RAD51B: variants seen among roughly 807,000 people sequenced by gnomAD.
The protein encoded by RAD51B is DNA repair protein RAD51 homolog 2.
A neutral mutation model predicts 42.2 loss-of-function variants in RAD51B; 38 were observed. That is an observed-to-expected ratio of 0.90 (90% CI 0.70 to 1.18). The LOEUF is 1.18. Ranked by LOEUF, RAD51B falls within the 50% of genes most tolerant of loss-of-function variation. The probability of loss-of-function intolerance (pLI) is 0.00; values close to 1 mark genes in which losing one functional copy is unlikely to be tolerated. For synonymous variants in RAD51B, 154 were observed against 145.2 expected (o/e 1.06, Z -0.43); for missense variants, 373 against 400.7 (o/e 0.93, Z 0.59).
chr14:67,845,866 T>G (rs1460412349), intron 4 of RAD51B, among the ~76,000 whole-genome samples: 1 of 152,096 alleles, frequency 6.6e-6, no homozygotes. Flanking sequence ...TTTCCTTCAT[T>G]TTGACTTTGA....
chr14:68,293,103 G>T (rs17105341), intron 8 of RAD51B, among the ~76,000 whole-genome samples: 2,745 of 152,240 alleles, frequency 0.018, 68 homozygotes, highest in African/African-American at 0.062. Context: ...ATAACATCCA[G>T]ATTGGCCTTC....
intron 10 of RAD51B, among the ~76,000 whole-genome samples, chr14:68,592,043 A>C (rs1595006959): frequency 6.6e-6 from 1 of 151,660 alleles, no homozygotes; most frequent in Non-Finnish European, 1.5e-5. Flanking sequence ...TGATAGTCCT[A>C]CTCCCTGAAG....
intron 7 of RAD51B, among the ~76,000 whole-genome samples, chr14:68,079,680 TA>T (rs1396653443): frequency 1.6e-4 from 24 of 152,232 alleles, no homozygotes; most frequent in Admixed American, 1.6e-3. Flanking sequence ...TAAAGTATAT[TA>T]AAAACATTAA....
intron 7 of RAD51B, among the ~76,000 whole-genome samples, chr14:68,128,052 C>T (rs529290582): frequency 1.3e-5 from 2 of 152,252 alleles, no homozygotes; most frequent in South Asian, 2.1e-4. Context: ...CATAAAAATT[C>T]GTTAGCTTTA....
chr14:68,641,388 A>G (rs748321911), intron 10 of RAD51B, among the ~76,000 whole-genome samples: 6 of 152,158 alleles, frequency 3.9e-5, no homozygotes, highest in Non-Finnish European at 7.4e-5. Flanking sequence ...ATGGATGTTC[A>G]TGTCATTTAC....
In RAD51B at chr14:68,535,754, A is replaced by C. The variant is rs1344797474; in HGVS notation, c.1037-58731A>C. ...AAAATGAGTATGTGTAACTGGATGGAGGAAGCCTGGGATAGTACCACTATT... is the reference window on the plus strand; with the variant it reads ...AAAATGAGTATGTGTAACTGGATGGCGGAAGCCTGGGATAGTACCACTATT... On this transcript the variant is annotated intron_variant, in intron 10 of 10. Coordinates refer to the RAD51B transcript ENST00000487270. Among the ~76,000 whole-genome samples the C allele has an allele frequency of 4.6e-5, 7 of 152,336 alleles. No individual in the cohort carries two copies. The East Asian group carries it at 1.3e-3, about 29-fold the overall frequency.
intron 7 of RAD51B, among the ~76,000 whole-genome samples, chr14:67,943,465 A>T (rs560232596): frequency 6.6e-6 from 1 of 152,268 alleles, no homozygotes; most frequent in Non-Finnish European, 1.5e-5. Context: ...GTGGGATAAA[A>T]AATACGATAG....
At chr14:68,598,985 G>A (rs1289474452), downstream of RAD51B, among the ~76,000 whole-genome samples, 1 of 152,172 alleles carries the variant, frequency 6.6e-6, no homozygotes, top group Non-Finnish European at 1.5e-5. Flanking sequence ...ATCCCCAGCA[G>A]GGCAGAGGAA....
intron 7 of RAD51B, among the ~76,000 whole-genome samples, chr14:68,023,290 C>T (rs2075898951): frequency 6.6e-6 from 1 of 152,138 alleles, no homozygotes; most frequent in Admixed American, 6.5e-5. Context: ...TATAAACATT[C>T]CCTTTTCTCC....
intron 7 of RAD51B, among the ~76,000 whole-genome samples, chr14:67,918,861 T>G (rs912970943): frequency 6.6e-6 from 1 of 152,220 alleles, no homozygotes; most frequent in Non-Finnish European, 1.5e-5. Context: ...AGATATTTTT[T>G]TAGCATGCAA....
chr14:68,023,770 A>G (rs896437909), intron 7 of RAD51B, among the ~76,000 whole-genome samples: 2 of 152,074 alleles, frequency 1.3e-5, no homozygotes, highest in African/African-American at 4.8e-5. Context: ...GAGTTTGTGA[A>G]TACTCTCTCC....
intron 8 of RAD51B, among the ~76,000 whole-genome samples, chr14:68,308,015 TC>T (rs944710290): frequency 3.5e-4 from 54 of 152,180 alleles, no homozygotes; most frequent in African/African-American, 1.2e-3. Flanking sequence ...GATTTTTTTT[TC>T]GTCCTTATTA....
intron 7 of RAD51B, among the ~76,000 whole-genome samples, chr14:68,257,047 G>A (rs531633875): frequency 6.6e-6 from 1 of 152,288 alleles, no homozygotes; most frequent in Non-Finnish European, 1.5e-5. Context: ...ATTAATTGCA[G>A]CATTAAAACA....
intron 7 of RAD51B, among the ~76,000 whole-genome samples, chr14:67,945,511 G>A (rs191309522): frequency 4.9e-4 from 74 of 152,164 alleles, no homozygotes; most frequent in Admixed American, 2.4e-3. Context: ...TTTTTGTGAC[G>A]AAGTGTTGCT....
intron 8 of RAD51B, among the ~76,000 whole-genome samples, chr14:68,402,471 C>A (rs1174403965): frequency 6.6e-6 from 1 of 152,208 alleles, no homozygotes; most frequent in African/African-American, 2.4e-5. Context: ...TTGAATCCTT[C>A]TGATCCCTAG....
At chr14:68,411,307 T>A (rs1017363738) in intron 8 of RAD51B, 117 bp from the exon 9 acceptor site, 2 of 800,368 alleles carry the variant, frequency 2.5e-6, no homozygotes, top group South Asian at 1.6e-5. Flanking sequence ...TCTGTGGTAA[T>A]GAACTGAGCC....
chr14:68,158,637 T>G (rs2078569381), intron 7 of RAD51B, among the ~76,000 whole-genome samples: 1 of 152,232 alleles, frequency 6.6e-6, no homozygotes, highest in South Asian at 2.1e-4. Context: ...CCATTTCATT[T>G]AGGGAAAACA....
chr14:68,600,769 C>T (rs1566950948), downstream of RAD51B, among the ~76,000 whole-genome samples: 2 of 152,198 alleles, frequency 1.3e-5, no homozygotes. Context: ...CTCTCCCAGC[C>T]TCCTTTAGGG....
chr14:68,530,086 C>T (rs1594946040), intron 10 of RAD51B, among the ~76,000 whole-genome samples: 4 of 152,226 alleles, frequency 2.6e-5, no homozygotes, highest in Admixed American at 2.6e-4. Context: ...TACTGAGAAG[C>T]TCCAATTTTT....
Sources: gnomAD v4.1 joint callset for allele counts (sites outside exome capture counted in the v4.1 genomes callset) on GRCh38, gnomAD v4.1.1 for gene constraint, MANE v1.5 for transcripts, NCBI Gene and HGNC (gene_info 2026-07-23, HGNC 2026-07-21) for gene names.